The following PTCH1 variants were observed in gnomAD, a reference collection of about 807,000 sequenced individuals.
PTCH1 encodes the protein protein patched homolog 1.
Under a neutral mutation model 144.6 loss-of-function variants are expected in PTCH1, and 14 were observed. That is an observed-to-expected ratio of 0.10 (90% CI 0.06 to 0.15). PTCH1 has a LOEUF of 0.15. Ranked by LOEUF, PTCH1 falls within the 10% of genes least tolerant of loss-of-function variation. The pLI is 1.00. For missense variants in PTCH1, 1,623 were observed against 1,948.3 expected, an observed-to-expected ratio of 0.83 and a Z score of 3.14; for synonymous variants, 833 against 793.6, an observed-to-expected ratio of 1.05 and a Z score of -0.83.
At chr9:95,470,833 GCGAGGCTGAGGTGGGTGGATCAC>G (rs1004407697) in intron 12 of PTCH1, among the ~76,000 whole-genome samples, 3 of 152,164 alleles carry the variant, frequency 2.0e-5, no homozygotes, top group African/African-American at 7.2e-5. Context: ...CCAGCACTTT[GCGAGGCTGAGGTGGGTGGATCAC>G]GGGGTCAGGG....
In PTCH1 at chr9:95,453,482, C is replaced by T. The variant is rs756549066; in HGVS notation, c.3445G>A (p.Val1149Ile). Residue 1149 changes from valine (V) to isoleucine (I), a missense_variant, in exon 20 of 24, where the codon GTC (valine) becomes ATC (isoleucine). Transcript: ENST00000331920. ...TCCTTGCACACGCCTGCTTACCTGACAATGAAGTCGAACTCAGATCCCGCC... is the reference window on the plus strand; with the variant it reads ...TCCTTGCACACGCCTGCTTACCTGATAATGAAGTCGAACTCAGATCCCGCC... Reference protein sequence around the residue: ...MLAGSEFDFIVRYFFAVLAIL... With the variant: ...MLAGSEFDFIIRYFFAVLAIL... 2.5e-6 allele frequency: 4 copies of T among 1,614,092 alleles called. No individual in the cohort carries two copies. The highest frequency in any genetic ancestry group is 3.4e-6 in the Non-Finnish European group (4 of 1,180,038).
chr9:95,463,396 T>C (rs1305222224), intron 15 of PTCH1, among the ~76,000 whole-genome samples: 2 of 151,916 alleles, frequency 1.3e-5, no homozygotes, highest in African/African-American at 4.8e-5. Flanking sequence ...GACCACCGGG[T>C]GGGCCGTGCA....
At chr9:95,452,470 G>C (rs956175222) in intron 20 of PTCH1, 3 of 152,112 alleles carry the variant, frequency 2.0e-5, no homozygotes, top group African/African-American at 7.2e-5. Context: ...TCTGGCCTTA[G>C]AGCTCCATAA....
rs551870062 is a variant in PTCH1, at chr9:95,507,140, C to A, written c.202-541G>T. The A allele has an allele frequency of 1.1e-5, 11 of 985,414 alleles. 1 individual carries two copies. In the South Asian group the frequency reaches 5.2e-4, roughly 46 times the overall value. The allele number at this position is 985,414 out of a possible 1,614,324, so 61.0% of individuals were successfully genotyped here. On this transcript the variant is annotated intron_variant, in intron 1 of 23. Transcript: ENST00000331920. The stretch of plus-strand genomic sequence containing the variant: ...TGGGGATCCACGTGGTGAGCGCGGC[C>A]GCCGGAGTTCACTCCCGACGCATTT...
chr9:95,512,992 T>A (rs144100511), upstream of PTCH1, among the ~76,000 whole-genome samples: 602 of 152,346 alleles, frequency 4.0e-3, 2 homozygotes, highest in African/African-American at 0.014. Context: ...TTGGAGTGTG[T>A]AGTTTTCAAA....
rs56237839 is a variant in PTCH1, at chr9:95,446,874, T to C, written c.*1+37A>G. ...AACCTTGTCCTCCTCTTTGCCTGGC[T>C]CTAGGTCCCTTGGCTGCCCTTGTCA... On this transcript the variant is annotated intron_variant, in intron 23 of 23. Transcript: ENST00000331920. 9.0e-3 allele frequency: 14,532 copies of C among 1,612,652 alleles called. 666 individuals are homozygous for C. In the East Asian group the frequency reaches 0.14, roughly 16 times the overall value.
chr9:95,475,701 A>G (rs545438528), intron 12 of PTCH1, among the ~76,000 whole-genome samples: 14 of 152,238 alleles, frequency 9.2e-5, no homozygotes, highest in African/African-American at 3.1e-4. Flanking sequence ...ATGGCCCAGA[A>G]GCTGGCTGCA....
At chr9:95,473,969 C>A in intron 12 of PTCH1, 1 of 426,784 alleles carries the variant, frequency 2.3e-6, no homozygotes, top group South Asian at 1.7e-5. Flanking sequence ...AACAGAAACA[C>A]AAAAACCAAC....
Position 95,445,392 on chromosome 9 carries a change from G to A in PTCH1, c.*1001C>T, listed in dbSNP as rs975361412. On this transcript the variant is annotated 3_prime_UTR_variant, in exon 24 of 24. Transcript: ENST00000331920. ...ATACAGACTCTCATGGCCCAGCCAA[G>A]GCTCAGCACTAGGCATGTCACCGAA... 6.6e-6 allele frequency: 1 copy of A among 152,124 alleles called. No individual in the cohort carries two copies. The highest frequency in any genetic ancestry group is 2.1e-4 in the South Asian group (1 of 4,820). 9.4% of individuals were successfully genotyped at this position (152,124 alleles called of 1,614,324 possible).
intron 12 of PTCH1, among the ~76,000 whole-genome samples, chr9:95,472,309 A>G (rs955874582): frequency 6.6e-6 from 1 of 152,214 alleles, no homozygotes; most frequent in Non-Finnish European, 1.5e-5. Context: ...GAGGTTATCC[A>G]GTAAATCAGA....
At chr9:95,466,506 G>A (rs1772790668) in intron 15 of PTCH1, among the ~76,000 whole-genome samples, 1 of 152,204 alleles carries the variant, frequency 6.6e-6, no homozygotes, top group African/African-American at 2.4e-5. Context: ...TTCATCAGCT[G>A]TAACAAATGC....
At chr9:95,491,906 C>A (rs1187114598) in intron 2 of PTCH1, among the ~76,000 whole-genome samples, 7 of 152,204 alleles carry the variant, frequency 4.6e-5, no homozygotes, top group Admixed American at 4.6e-4. Flanking sequence ...TTAACTATAG[C>A]AGACCTGGTA....
chr9:95,457,655 C>T (rs995480546), intron 18 of PTCH1, among the ~76,000 whole-genome samples: 6 of 152,108 alleles, frequency 3.9e-5, no homozygotes, highest in Non-Finnish European at 5.9e-5. Context: ...CCTGCTATGT[C>T]GTTATTAGGC....
At position 95,508,462 on chromosome 9, in the gene PTCH1, G is replaced by A; in HGVS notation, c.-101C>T. ...GGCTCCTGGCGCGCCTGGGCGCTCGGCTTGCGAGGACGCTGCTGGCCGCAG... is the reference window on the plus strand; with the variant it reads ...GGCTCCTGGCGCGCCTGGGCGCTCGACTTGCGAGGACGCTGCTGGCCGCAG... On this transcript the variant is annotated 5_prime_UTR_variant, in exon 1 of 24. Coordinates refer to ENST00000331920, the MANE Select transcript of PTCH1 (RefSeq NM_000264.5). 9.8e-7 allele frequency: 1 copy of A among 1,024,008 alleles called. No homozygotes were observed. 63.4% of individuals were successfully genotyped at this position (1,024,008 alleles called of 1,614,324 possible).
At chr9:95,509,655 A>T (rs1038126650), upstream of PTCH1, among the ~76,000 whole-genome samples, 3 of 151,994 alleles carry the variant, frequency 2.0e-5, no homozygotes, top group African/African-American at 4.8e-5. Flanking sequence ...ACACGGGGGG[A>T]AATGTAATAT....
chr9:95,475,981 G>A, intron 12 of PTCH1, 53 bp downstream of exon 12: 2 of 1,611,188 alleles, frequency 1.2e-6, no homozygotes, highest in African/African-American at 1.3e-5. Flanking sequence ...ATGGGATGCT[G>A]GAAGTCAGTG....
At chr9:95,497,987 A>G (rs964049420) in intron 2 of PTCH1, among the ~76,000 whole-genome samples, 27 of 147,882 alleles carry the variant, frequency 1.8e-4, no homozygotes, top group Non-Finnish European at 4.0e-4. Context: ...TTACATTGCA[A>G]TACTTGACTG....
chr9:95,461,159 C>A (rs950934938), intron 16 of PTCH1, among the ~76,000 whole-genome samples: 4 of 152,120 alleles, frequency 2.6e-5, no homozygotes, highest in Non-Finnish European at 5.9e-5. Context: ...CTGAACACAC[C>A]TGCAGAACCA....
intron 2 of PTCH1, 92 bp downstream of exon 2, chr9:95,506,315 A>C (rs1432488673): frequency 4.9e-6 from 7 of 1,417,270 alleles, no homozygotes; most frequent in Non-Finnish European, 6.7e-6. Context: ...CGCCGGCCGC[A>C]GCCAGGCTCT....
Sources: gnomAD v4.1 joint callset for allele counts (sites outside exome capture counted in the v4.1 genomes callset) on GRCh38, gnomAD v4.1.1 for gene constraint, MANE v1.5 for transcripts, NCBI Gene and HGNC (gene_info 2026-07-23, HGNC 2026-07-21) for gene names.